The following GRID1 variants were observed in gnomAD, a reference collection of about 807,000 sequenced individuals.
The protein encoded by GRID1 is glutamate receptor ionotropic, delta-1.
In GRID1, 28 loss-of-function variants were observed where a neutral mutation model predicts 98.0. The ratio of observed to expected loss-of-function variants is 0.29; its 90% CI spans 0.21 to 0.39. GRID1 has a LOEUF of 0.39. Ranked by LOEUF, GRID1 falls within the 10% of genes least tolerant of loss-of-function variation. The pLI, the probability that GRID1 is intolerant of heterozygous loss-of-function variation, is 1.00. For synonymous variants in GRID1, 553 were observed against 538.5 expected, an observed-to-expected ratio of 1.03 and a Z score of -0.37; for missense variants, 1,111 against 1,340.5, an observed-to-expected ratio of 0.83 and a Z score of 2.67.
chr10:85,905,101 A>G (rs1215800914), intron 5 of GRID1, among the ~76,000 whole-genome samples: 2 of 152,062 alleles, frequency 1.3e-5, no homozygotes, highest in East Asian at 3.9e-4. Flanking sequence ...GATCAAAACC[A>G]GAGAAAAAGA....
intron 4 of GRID1, among the ~76,000 whole-genome samples, chr10:86,041,923 C>T (rs1843351615): frequency 6.6e-6 from 1 of 152,170 alleles, no homozygotes; most frequent in Non-Finnish European, 1.5e-5. Flanking sequence ...ACTGAGGACC[C>T]TGTCAGGCCT....
chr10:85,772,288 C>A (rs1383419078), intron 8 of GRID1, among the ~76,000 whole-genome samples: 2 of 151,996 alleles, frequency 1.3e-5, no homozygotes, highest in Admixed American at 6.5e-5. Flanking sequence ...AACAAAGACA[C>A]AACATACGAG....
intron 11 of GRID1, 67 bp from the exon 12 acceptor site, chr10:85,723,208 T>C: frequency 6.8e-7 from 1 of 1,474,662 alleles, no homozygotes; most frequent in Admixed American, 1.9e-5. Flanking sequence ...CAGGGAGGTG[T>C]TCTGCCCTGC....
chr10:85,955,769 G>A (rs533879918), intron 4 of GRID1, among the ~76,000 whole-genome samples: 18 of 152,234 alleles, frequency 1.2e-4, no homozygotes, highest in African/African-American at 2.9e-4. Context: ...ACAAGCCCAC[G>A]CTTTGCCCCT....
At position 86,211,578 on chromosome 10, in the gene GRID1, T is replaced by A. The variant is rs549462720; in HGVS notation, c.236-4930A>T. Among the ~76,000 whole-genome samples the A allele has an allele frequency of 7.9e-5, 12 of 152,224 alleles. No homozygotes were observed. The South Asian group carries it at 2.5e-3, about 32-fold the overall frequency. The stretch of plus-strand genomic sequence containing the variant: ...TGCTTCCCTGGAGAAGATGTTCACA[T>A]CCCACCCATCCAGGCTTTTCCAGAC... On this transcript the variant is annotated intron_variant, in intron 2 of 15. Coordinates refer to ENST00000327946, the MANE Select transcript of GRID1 (RefSeq NM_017551.3).
chr10:85,634,917 A>G (rs1360731688), intron 13 of GRID1, among the ~76,000 whole-genome samples: 1 of 149,588 alleles, frequency 6.7e-6, no homozygotes, highest in East Asian at 2.0e-4. Flanking sequence ...ACAGAATGGA[A>G]TCAGCCCACA....
intron 4 of GRID1, among the ~76,000 whole-genome samples, chr10:86,101,005 G>C (rs1589371323): frequency 6.6e-6 from 1 of 152,102 alleles, no homozygotes; most frequent in Admixed American, 6.5e-5. Context: ...ACTGATAGGG[G>C]GACTTTTGGG....
At chr10:85,954,065 G>A (rs1842158673) in intron 4 of GRID1, among the ~76,000 whole-genome samples, 1 of 152,050 alleles carries the variant, frequency 6.6e-6, no homozygotes, top group African/African-American at 2.4e-5. Context: ...ATGAGAGGAG[G>A]GGAGTCTATT....
At chr10:85,842,900 T>C (rs1219273685) in intron 8 of GRID1, among the ~76,000 whole-genome samples, 2 of 152,026 alleles carry the variant, frequency 1.3e-5, no homozygotes, top group Admixed American at 6.6e-5. Flanking sequence ...AGGCTAATAC[T>C]ACCCTGATGC....
intron 12 of GRID1, among the ~76,000 whole-genome samples, chr10:85,650,697 G>A (rs1436260442): frequency 6.6e-6 from 1 of 152,148 alleles, no homozygotes; most frequent in African/African-American, 2.4e-5. Context: ...CCTAGAAGAG[G>A]GAACATTAAG....
chr10:85,944,389 A>T (rs1352222498), intron 4 of GRID1, among the ~76,000 whole-genome samples: 1 of 152,250 alleles, frequency 6.6e-6, no homozygotes, highest in African/African-American at 2.4e-5. Context: ...ACAAAAATGA[A>T]GAAAAATAAT....
chr10:85,834,650 C>G (rs961429472), intron 8 of GRID1, among the ~76,000 whole-genome samples: 2 of 151,898 alleles, frequency 1.3e-5, no homozygotes, highest in Non-Finnish European at 1.5e-5. Flanking sequence ...GGTAAAGGTA[C>G]CTAAATGGAA....
At chr10:86,210,540 C>T (rs2132022588) in intron 2 of GRID1, among the ~76,000 whole-genome samples, 1 of 152,362 alleles carries the variant, frequency 6.6e-6, no homozygotes, top group Admixed American at 6.5e-5. Flanking sequence ...CCCATCTCTC[C>T]ACCAAAGTCA....
intron 2 of GRID1, among the ~76,000 whole-genome samples, chr10:86,250,688 G>A (rs972790567): frequency 6.6e-6 from 1 of 151,808 alleles, no homozygotes; most frequent in Admixed American, 6.6e-5. Flanking sequence ...GGGAGGTGGG[G>A]GACAGCCCCC....
rs756915452 is a variant in GRID1, at chr10:86,206,358, A to T, written c.520+6T>A. ...GCAGCCCCAGCTCGCCTGCCGGACA[A>T]CTCACCATACTCGCTGTCGTAGAAC... is the stretch of plus-strand genomic sequence containing the variant. On this transcript the variant is annotated splice_donor_region_variant and intron_variant, in intron 3 of 15. Transcript: ENST00000327946. This position sits in a 1 kb window ranked among gnomAD's most constrained non-coding sequence, Gnocchi z 4.1. 1 of 1,586,896 alleles carries T rather than the reference A, an allele frequency of 6.3e-7. No homozygotes were observed. Among genetic ancestry groups the T allele is most frequent in the South Asian group, 1.1e-5 (1 of 87,212 alleles).
At chr10:85,985,499 G>A (rs1165729945) in intron 4 of GRID1, among the ~76,000 whole-genome samples, 10 of 152,192 alleles carry the variant, frequency 6.6e-5, no homozygotes, top group African/African-American at 2.4e-4. Flanking sequence ...CAGAAGCAGG[G>A]TTTACCGCAT....
chr10:85,922,879 C>G (rs549230770), intron 4 of GRID1, among the ~76,000 whole-genome samples: 97 of 152,200 alleles, frequency 6.4e-4, no homozygotes, highest in African/African-American at 2.2e-3. Context: ...TCTCAGCCAC[C>G]CTGTGTCTCC....
chr10:86,013,659 T>C (rs1011179569), intron 4 of GRID1, among the ~76,000 whole-genome samples: 4 of 152,210 alleles, frequency 2.6e-5, no homozygotes, highest in Non-Finnish European at 5.9e-5. Flanking sequence ...CTGAGGTCCA[T>C]AGCAACTTTC....
chr10:85,910,451 G>C (rs7090950), intron 5 of GRID1, among the ~76,000 whole-genome samples: 3,311 of 152,274 alleles, frequency 0.022, 127 homozygotes, highest in African/African-American at 0.076. Flanking sequence ...AGATTTGAAA[G>C]TCTGGAGTGA....
Sources: allele counts gnomAD v4.1 joint callset (sites outside exome capture counted in the v4.1 genomes callset), GRCh38; gene constraint gnomAD v4.1.1; non-coding constraint Gnocchi (gnomAD v3.1); transcripts MANE v1.5; gene names NCBI Gene and HGNC (gene_info 2026-07-23, HGNC 2026-07-21).